TTC29: variants seen among roughly 807,000 people sequenced by gnomAD.
The protein encoded by TTC29 is tetratricopeptide repeat protein 29.
Under a neutral mutation model 58.1 loss-of-function variants are expected in TTC29, and 49 were observed. The observed-to-expected ratio is 0.84, with a 90% CI of 0.67 to 1.07. The LOEUF (loss-of-function observed/expected upper bound fraction) is 1.07, where lower values mean the gene tolerates loss of function less well. Among genes scored for constraint, TTC29 ranks in the 50% least tolerant of loss-of-function variants. TTC29 has a pLI of 0.00. For missense variants in TTC29, 582 were observed against 555.6 expected (o/e 1.05, Z -0.48); for synonymous variants, 209 against 196.8 (o/e 1.06, Z -0.52).
At chr4:146,769,768 C>T (rs1460848198) in intron 11 of TTC29, among the ~76,000 whole-genome samples, 3 of 151,974 alleles carry the variant, frequency 2.0e-5, no homozygotes, top group East Asian at 1.9e-4. Flanking sequence ...ATTTCTTATG[C>T]AAGTTTAAGG....
At position 146,839,535 on chromosome 4, in the gene TTC29, CGTGTGTGTGTGT is replaced by C. The variant is rs5862775; in HGVS notation, c.886-5650_886-5639del. Among the ~76,000 whole-genome samples, 151 of 140,560 alleles carry C rather than the reference CGTGTGTGTGTGT, an allele frequency of 1.1e-3. 1 individual carries two copies. Among genetic ancestry groups the C allele is most frequent in the Non-Finnish European group, 1.4e-3 (92 of 64,194 alleles). The allele number at this position is 140,560 out of a possible 152,430, so 92.2% of individuals were successfully genotyped here. On this transcript the variant is annotated intron_variant, in intron 8 of 12. Coordinates refer to ENST00000325106, the MANE Select transcript of TTC29 (RefSeq NM_031956.4). Reference sequence around the variant, plus strand: ...AGATTTCACCAGTTTTACATGAACTCGTGTGTGTGTGTGTGTGTGTGTGTGTGTGTGTGTGTG... The same window carrying C: ...AGATTTCACCAGTTTTACATGAACTCGTGTGTGTGTGTGTGTGTGTGTGTG...
At chr4:146,785,793 GTTA>G (rs1271410059) in intron 11 of TTC29, among the ~76,000 whole-genome samples, 1 of 151,950 alleles carries the variant, frequency 6.6e-6, no homozygotes, top group Non-Finnish European at 1.5e-5. Context: ...TAACATTTCT[GTTA>G]TTATTTCTTA....
chr4:146,716,400 G>T (rs1695350149), intron 11 of TTC29, among the ~76,000 whole-genome samples: 1 of 152,062 alleles, frequency 6.6e-6, no homozygotes, highest in South Asian at 2.1e-4. Context: ...TTAGAACAGA[G>T]AATTATATGA....
At chr4:146,749,198 G>A (rs1381321113) in intron 11 of TTC29, among the ~76,000 whole-genome samples, 2 of 151,146 alleles carry the variant, frequency 1.3e-5, no homozygotes, top group Non-Finnish European at 2.9e-5. Flanking sequence ...CATGTTTGTA[G>A]TCCTCATGAG....
rs80323422 is a variant in TTC29 at position 146,829,170 on chromosome 4, G to A, written c.977+4636C>T. The stretch of plus-strand genomic sequence containing the variant: ...TATATTCGGAGGAACAGGACTCCTC[G>A]GTCCAAAGAATGAGAATGAAACAGT... On this transcript the variant is annotated intron_variant, in intron 9 of 12. Coordinates refer to ENST00000325106, the MANE Select transcript of TTC29 (RefSeq NM_031956.4). 2.6e-5 allele frequency among the ~76,000 whole-genome samples: 4 copies of A among 152,280 alleles called. No individual in the cohort carries two copies. The East Asian group carries it at 5.8e-4, about 22-fold the overall frequency.
chr4:146,876,674 C>T (rs759048270), intron 6 of TTC29, among the ~76,000 whole-genome samples: 14 of 152,262 alleles, frequency 9.2e-5, no homozygotes, highest in South Asian at 6.2e-4. Context: ...CAGTGGCTCA[C>T]GCCTATAATC....
intron 11 of TTC29, among the ~76,000 whole-genome samples, chr4:146,736,725 ACCT>A (rs1744735848): frequency 6.6e-6 from 1 of 152,188 alleles, no homozygotes; most frequent in Non-Finnish European, 1.5e-5. Context: ...TGATCCTGAA[ACCT>A]GAAATACTCA....
At chr4:146,720,917 C>A (rs1163019160) in intron 11 of TTC29, among the ~76,000 whole-genome samples, 1 of 152,062 alleles carries the variant, frequency 6.6e-6, no homozygotes, top group African/African-American at 2.4e-5. Flanking sequence ...TCATTGAGAA[C>A]CCAAGTGAAA....
At chr4:146,837,569 T>C (rs570857214) in intron 8 of TTC29, among the ~76,000 whole-genome samples, 2 of 152,200 alleles carry the variant, frequency 1.3e-5, no homozygotes, top group African/African-American at 2.4e-5. Flanking sequence ...GCAGGTAAGG[T>C]ATAACCTACA....
intron 6 of TTC29, among the ~76,000 whole-genome samples, chr4:146,884,110 G>A (rs1323126735): frequency 1.3e-5 from 2 of 152,014 alleles, no homozygotes; most frequent in African/African-American, 4.8e-5. Flanking sequence ...AAGGTCTTAT[G>A]AACATGTACA....
At chr4:146,821,867 G>A (rs1046778234) in intron 9 of TTC29, among the ~76,000 whole-genome samples, 15 of 151,932 alleles carry the variant, frequency 9.9e-5, no homozygotes, top group Non-Finnish European at 1.5e-5. Context: ...CTGTCAATTT[G>A]GAGAAATAAG....
At chr4:146,793,316 C>T (rs552591516) in intron 11 of TTC29, among the ~76,000 whole-genome samples, 3 of 152,204 alleles carry the variant, frequency 2.0e-5, no homozygotes, top group East Asian at 1.9e-4. Context: ...AAGAAATTAC[C>T]AGAGCCACCC....
At chr4:146,797,235 A>T (rs1749892403) in intron 11 of TTC29, among the ~76,000 whole-genome samples, 1 of 152,208 alleles carries the variant, frequency 6.6e-6, no homozygotes, top group South Asian at 2.1e-4. Context: ...TTACTTTCAC[A>T]TTTGTTATAA....
chr4:146,906,500 T>G (rs1014681027), intron 5 of TTC29, among the ~76,000 whole-genome samples: 1 of 152,210 alleles, frequency 6.6e-6, no homozygotes, highest in African/African-American at 2.4e-5. Flanking sequence ...TTTAAGATAC[T>G]ATTAACACAT....
In TTC29 at chr4:146,909,148, G is replaced by A; in HGVS notation, c.278C>T (p.Ala93Val). ...CCTGACTCTCGCAGCCTCCCTCAGG[G>A]CATCCCACCGCTCCATCAGAGCGAA... is the stretch of plus-strand genomic sequence containing the variant. ...ELFALMERWD[A>V]LREAARVRSL... The change falls in exon 5 of 13, where the codon GCC becomes GTC. Residue 93 changes from alanine (A) to valine (V), a missense_variant. Ala to Val is a moderately conservative substitution (Grantham distance 64). Transcript: ENST00000325106. The A allele has an allele frequency of 6.2e-7, 1 of 1,613,730 alleles. No individual in the cohort carries two copies. The highest frequency in any genetic ancestry group is 8.5e-7 in the Non-Finnish European group (1 of 1,179,816).
At chr4:146,722,251 C>T (rs942734949) in intron 11 of TTC29, among the ~76,000 whole-genome samples, 1 of 152,120 alleles carries the variant, frequency 6.6e-6, no homozygotes, top group Non-Finnish European at 1.5e-5. Flanking sequence ...TCCAAATCAA[C>T]CTGCAGATTC....
intron 2 of TTC29, among the ~76,000 whole-genome samples, 162 bp downstream of exon 2, chr4:146,944,869 T>C (rs1265661521): frequency 1.3e-5 from 2 of 151,806 alleles, no homozygotes; most frequent in Non-Finnish European, 2.9e-5. Flanking sequence ...TTATTCTCGG[T>C]ATCATAATTT....
At chr4:146,753,537 C>A (rs1454274337) in intron 11 of TTC29, among the ~76,000 whole-genome samples, 1 of 152,150 alleles carries the variant, frequency 6.6e-6, no homozygotes, top group Non-Finnish European at 1.5e-5. Flanking sequence ...TTTGACCCAG[C>A]CATCCTATTG....
At chr4:146,770,267 G>T (rs1486720365) in intron 11 of TTC29, among the ~76,000 whole-genome samples, 2 of 151,996 alleles carry the variant, frequency 1.3e-5, no homozygotes, top group East Asian at 3.9e-4. Context: ...TTTGTAAAAT[G>T]CAGAGGATGA....
Sources: allele counts gnomAD v4.1 joint callset (sites outside exome capture counted in the v4.1 genomes callset), GRCh38; gene constraint gnomAD v4.1.1; transcripts MANE v1.5; gene names NCBI Gene and HGNC (gene_info 2026-07-23, HGNC 2026-07-21).